UNC13B: variants seen among roughly 807,000 people sequenced by gnomAD.
The protein encoded by UNC13B is protein unc-13 homolog B.
Under a neutral mutation model 211.0 loss-of-function variants are expected in UNC13B, and 144 were observed. The ratio of observed to expected loss-of-function variants is 0.68; its 90% confidence interval spans 0.60 to 0.78. The LOEUF is 0.78. Ranked by LOEUF, UNC13B falls within the 30% of genes least tolerant of loss-of-function variation. The pLI is 0.00. For synonymous variants in UNC13B, 709 were observed against 725.8 expected (o/e 0.98, Z 0.37); for missense variants, 1,777 against 2,002.0 (o/e 0.89, Z 2.14).
At position 35,404,177 on chromosome 9, in the gene UNC13B, G is replaced by A. The variant is rs2132406525; in HGVS notation, c.*144G>A. On this transcript the variant is annotated 3_prime_UTR_variant, in exon 40 of 40. Coordinates refer to ENST00000635942, the MANE Select transcript of UNC13B (RefSeq NM_001371189.2). ...AGATATTTAAGGAAAAATTTGGGGTGGTGATAATATGGCTTTTCACAGAAA... is the reference window on the plus strand; with the variant it reads ...AGATATTTAAGGAAAAATTTGGGGTAGTGATAATATGGCTTTTCACAGAAA... 1.7e-6 allele frequency: 2 copies of A among 1,167,330 alleles called. No homozygotes were observed. The highest frequency in any genetic ancestry group is 2.3e-6 in the Non-Finnish European group (2 of 853,296). The allele number at this position is 1,167,330 out of a possible 1,614,324, so 72.3% of individuals were successfully genotyped here.
At chr9:35,194,152 G>T (rs1052885332) in intron 1 of UNC13B, among the ~76,000 whole-genome samples, 2 of 152,200 alleles carry the variant, frequency 1.3e-5, no homozygotes, top group African/African-American at 4.8e-5. Context: ...CTCACTGTCG[G>T]GGGGAGCCTT....
chr9:35,399,514 G>T, intron 35 of UNC13B, 66 bp downstream of exon 35: 2 of 1,610,708 alleles, frequency 1.2e-6, no homozygotes, highest in Non-Finnish European at 1.7e-6. Context: ...GAGGGTGGCT[G>T]CGGGGAAGGA....
At chr9:35,178,495 CAA>C (rs796411064) in intron 1 of UNC13B, among the ~76,000 whole-genome samples, 3 of 134,982 alleles carry the variant, frequency 2.2e-5, no homozygotes, top group Non-Finnish European at 1.6e-5. Flanking sequence ...GACCCTGTTT[CAA>C]AAAAAAAAAG....
chr9:35,164,787 T>G (rs949747896), intron 1 of UNC13B, among the ~76,000 whole-genome samples: 9 of 152,252 alleles, frequency 5.9e-5, no homozygotes, highest in African/African-American at 1.7e-4. Context: ...CAGTCTACTT[T>G]TTTTGTTGTT....
intron 1 of UNC13B, among the ~76,000 whole-genome samples, chr9:35,194,718 G>A (rs1186197149): frequency 1.3e-5 from 2 of 152,168 alleles, no homozygotes; most frequent in Admixed American, 1.3e-4. Context: ...TCTACTCACC[G>A]TTTTGATGAG....
chr9:35,168,291 G>C (rs1027943752), intron 1 of UNC13B, among the ~76,000 whole-genome samples: 1 of 152,040 alleles, frequency 6.6e-6, no homozygotes, highest in African/African-American at 2.4e-5. Flanking sequence ...TGTTACATGG[G>C]TAAATTGCAT....
At chr9:35,276,574 T>G (rs1013243381) in intron 7 of UNC13B, among the ~76,000 whole-genome samples, 16 of 152,208 alleles carry the variant, frequency 1.1e-4, no homozygotes, top group African/African-American at 3.6e-4. Context: ...AGAGTTATTT[T>G]TTTCCTCTTC....
At chr9:35,173,771 C>T (rs1821459988) in intron 1 of UNC13B, among the ~76,000 whole-genome samples, 1 of 152,172 alleles carries the variant, frequency 6.6e-6, no homozygotes, top group South Asian at 2.1e-4. Context: ...AGCTTATACT[C>T]TTGCTATGCT....
In UNC13B at chr9:35,397,210, T is replaced by G. The variant is rs1835941399; in HGVS notation, c.11576T>G (p.Val3859Gly). 5.0e-6 allele frequency: 8 copies of G among 1,614,072 alleles called. No homozygotes were observed. The highest frequency in any genetic ancestry group is 6.8e-6 in the Non-Finnish European group (8 of 1,180,040). The change falls in exon 29 of 40, where the codon GTG becomes GGG. Residue 3859 changes from valine (V) to glycine (G), a missense_variant. By Grantham distance (109) the Val-to-Gly change is moderately radical (BLOSUM62 -3). Transcript: ENST00000635942. ...CATGCACTCTTTTCCTGCTCTGTGG[T>G]GGATGTCTTCACACAACTCAATCAG... is the stretch of plus-strand genomic sequence containing the variant. ...SEHALFSCSV[V>G]DVFTQLNQSF...
intron 7 of UNC13B, among the ~76,000 whole-genome samples, chr9:35,276,986 T>C (rs779123453): frequency 4.6e-5 from 7 of 152,232 alleles, no homozygotes; most frequent in Admixed American, 2.0e-4. Flanking sequence ...AGTAATGTAC[T>C]CAGAAGTTTT....
intron 5 of UNC13B, among the ~76,000 whole-genome samples, chr9:35,239,417 T>C (rs1022192307): frequency 6.6e-6 from 1 of 152,126 alleles, no homozygotes; most frequent in Non-Finnish European, 1.5e-5. Context: ...GAATAGGGTG[T>C]GGGTCACAGA....
chr9:35,330,285 A>G lies in UNC13B; in HGVS notation c.9414+16296A>G, dbSNP rs1203790743. Among the ~76,000 whole-genome samples the G allele has an allele frequency of 2.0e-5, 3 of 152,200 alleles. No individual in the cohort carries two copies. In the East Asian group the frequency reaches 5.8e-4, roughly 29 times the overall value. On this transcript the variant is annotated intron_variant, in intron 11 of 39. Transcript: ENST00000635942. ...TTTCCAGAACTGTTGGCTTTTAGGG[A>G]TCTGTCATGACCTTTCTAGCCTAGA...
chr9:35,280,561 TG>T (rs1432047509), intron 7 of UNC13B, among the ~76,000 whole-genome samples: 1 of 152,086 alleles, frequency 6.6e-6, no homozygotes, highest in Non-Finnish European at 1.5e-5. Flanking sequence ...GGTAAGGCAG[TG>T]CAATGGGTCT....
intron 7 of UNC13B, among the ~76,000 whole-genome samples, chr9:35,264,279 T>C (rs1316262446): frequency 6.6e-6 from 1 of 152,134 alleles, no homozygotes; most frequent in East Asian, 1.9e-4. Flanking sequence ...TGAGTGTAGA[T>C]ATTAAAGGCA....
At chr9:35,392,646 G>A (rs1012012229) in intron 26 of UNC13B, among the ~76,000 whole-genome samples, 2 of 133,802 alleles carry the variant, frequency 1.5e-5, no homozygotes, top group African/African-American at 5.6e-5. Context: ...CTGTGGTGGG[G>A]TAGGGGGAGG....
intron 6 of UNC13B, among the ~76,000 whole-genome samples, chr9:35,249,880 T>A (rs1826354071): frequency 6.6e-6 from 1 of 152,152 alleles, no homozygotes; most frequent in African/African-American, 2.4e-5. Flanking sequence ...TCTGTTTTTA[T>A]TCTAGGGTAT....
At position 35,328,977 on chromosome 9, in the gene UNC13B, T is replaced by C. The variant is rs377444412; in HGVS notation, c.9414+14988T>C. Among the ~76,000 whole-genome samples the C allele has an allele frequency of 1.3e-4, 20 of 152,078 alleles. No homozygotes were observed. The South Asian group carries it at 4.2e-3, about 32-fold the overall frequency. Reference sequence around the variant, plus strand: ...TAGTAGAGATGGGGTTTCACTGTGTTAGCTAAGATGGTCTCGATCTCCTGA... The same window carrying C: ...TAGTAGAGATGGGGTTTCACTGTGTCAGCTAAGATGGTCTCGATCTCCTGA... On this transcript the variant is annotated intron_variant, in intron 11 of 39. Coordinates refer to ENST00000635942, the MANE Select transcript of UNC13B (RefSeq NM_001371189.2).
chr9:35,224,918 A>C (rs1422479273), intron 1 of UNC13B, among the ~76,000 whole-genome samples: 1 of 152,190 alleles, frequency 6.6e-6, no homozygotes, highest in Non-Finnish European at 1.5e-5. Context: ...CAACAGAATG[A>C]AGAACAAAAA....
intron 11 of UNC13B, among the ~76,000 whole-genome samples, chr9:35,335,815 A>G (rs531813624): frequency 3.2e-4 from 48 of 151,982 alleles, no homozygotes; most frequent in African/African-American, 1.1e-3. Flanking sequence ...TCAGCCTCCA[A>G]GTAGCTGGGA....
Sources: gnomAD v4.1 joint callset for allele counts (sites outside exome capture counted in the v4.1 genomes callset) on GRCh38, gnomAD v4.1.1 for gene constraint, MANE v1.5 for transcripts, NCBI Gene and HGNC (gene_info 2026-07-23, HGNC 2026-07-21) for gene names.